IGSF10: variants seen among roughly 807,000 people sequenced by gnomAD.
The protein encoded by IGSF10 is calvaria mechanical force protein 608.
Under a neutral mutation model 128.2 loss-of-function variants are expected in IGSF10, and 126 were observed. The ratio of observed to expected loss-of-function variants is 0.98; its 90% CI spans 0.85 to 1.14. The LOEUF is 1.14. Among genes scored for constraint, IGSF10 ranks in the 50% most tolerant of loss-of-function variants. The pLI, the probability that IGSF10 is intolerant of heterozygous loss-of-function variation, is 0.00. For missense variants in IGSF10, 3,295 were observed against 3,149.8 expected, an observed-to-expected ratio of 1.05 and a Z score of -1.10; for synonymous variants, 1,185 against 1,146.2, an observed-to-expected ratio of 1.03 and a Z score of -0.68.
chr3:151,512,039 A>C, the IGSF10 span, among the ~76,000 whole-genome samples: 4 of 152,162 alleles, frequency 2.6e-5, no homozygotes, highest in Non-Finnish European at 5.9e-5. Flanking sequence ...CCCACTGTCA[A>C]CATTAGACAG....
the IGSF10 span, among the ~76,000 whole-genome samples, chr3:151,501,569 C>T: frequency 6.6e-6 from 1 of 151,958 alleles, no homozygotes; most frequent in Non-Finnish European, 1.5e-5. Flanking sequence ...AACTTGAAAC[C>T]TAAGAATGTC....
At chr3:151,433,243 C>T (rs955085009), downstream of IGSF10, 2 of 154,004 alleles carry the variant, frequency 1.3e-5, no homozygotes, top group African/African-American at 4.8e-5. Flanking sequence ...AAAGGCATGT[C>T]AGATCTTGAC....
the IGSF10 span, among the ~76,000 whole-genome samples, chr3:151,574,061 G>C: frequency 6.6e-6 from 1 of 152,166 alleles, no homozygotes; most frequent in Non-Finnish European, 1.5e-5. Flanking sequence ...CTCTTCTGGC[G>C]TGTAGAGTTT....
At chr3:151,483,628 G>C in the IGSF10 span, among the ~76,000 whole-genome samples, 2 of 152,124 alleles carry the variant, frequency 1.3e-5, no homozygotes, top group Non-Finnish European at 2.9e-5. Flanking sequence ...CATCTCACTG[G>C]GACTGGTTGG....
At chr3:151,579,875 A>AAAGGAAGGAAGGAAGGAAGGAAGG in the IGSF10 span, among the ~76,000 whole-genome samples, 41 of 121,922 alleles carry the variant, frequency 3.4e-4, no homozygotes, top group African/African-American at 1.2e-3. Context: ...GGGAGGAAGG[A>AAAGGAAGGAAGGAAGGAAGGAAGG]AAGGAAGGAA....
downstream of IGSF10, chr3:151,432,706 A>G (rs371106582): frequency 6.2e-6 from 9 of 1,452,118 alleles, no homozygotes; most frequent in African/African-American, 5.6e-5. Flanking sequence ...CATCTGTGCA[A>G]TAGTTTTGTG....
the IGSF10 span, among the ~76,000 whole-genome samples, chr3:151,480,685 T>C: frequency 6.6e-6 from 1 of 151,866 alleles, no homozygotes; most frequent in Admixed American, 6.6e-5. Flanking sequence ...CAGAGCTGCT[T>C]GGGTATAGCT....
the IGSF10 span, among the ~76,000 whole-genome samples, chr3:151,547,868 A>G: frequency 6.6e-6 from 1 of 152,210 alleles, no homozygotes; most frequent in African/African-American, 2.4e-5. Context: ...TCATATTTTA[A>G]TGGCATCAAT....
chr3:151,512,994 T>G, the IGSF10 span, among the ~76,000 whole-genome samples: 1 of 152,034 alleles, frequency 6.6e-6, no homozygotes, highest in African/African-American at 2.4e-5. Context: ...CCAAAAAAAG[T>G]CCAGGACCAG....
the IGSF10 span, among the ~76,000 whole-genome samples, chr3:151,617,322 C>G: frequency 7.2e-6 from 1 of 138,952 alleles, no homozygotes; most frequent in African/African-American, 2.7e-5. Flanking sequence ...TCTTCTTCCC[C>G]TCCTCCTCCT....
chr3:151,617,342 C>CCCCCTG, the IGSF10 span, among the ~76,000 whole-genome samples: 1 of 144,008 alleles, frequency 6.9e-6, no homozygotes, highest in Non-Finnish European at 1.5e-5. Context: ...TCCCCCTCCT[C>CCCCCTG]CTCCTCCTCC....
At chr3:151,557,231 A>G in the IGSF10 span, among the ~76,000 whole-genome samples, 1 of 152,190 alleles carries the variant, frequency 6.6e-6, no homozygotes, top group African/African-American at 2.4e-5. Context: ...GTTGAAGCTC[A>G]AACACCCTTC....
chr3:151,539,810 A>ATCTG, the IGSF10 span, among the ~76,000 whole-genome samples: 1 of 148,130 alleles, frequency 6.8e-6, no homozygotes. Context: ...CTATCTATCT[A>ATCTG]TCTATCATCT....
chr3:151,607,486 G>A, the IGSF10 span, among the ~76,000 whole-genome samples: 1 of 152,104 alleles, frequency 6.6e-6, no homozygotes, highest in Non-Finnish European at 1.5e-5. Context: ...AAGAAGGGCA[G>A]ACATAGGTAG....
chr3:151,534,801 A>ATATGTGTGTGTGTGTGTGTG, the IGSF10 span, among the ~76,000 whole-genome samples: 10 of 149,078 alleles, frequency 6.7e-5, no homozygotes, highest in African/African-American at 2.5e-4. Context: ...TTTAAAGTGT[A>ATATGTGTGTGTGTGTGTGTG]TGTGTGTGTG....
At position 151,438,553 on chromosome 3, in the gene IGSF10, A is replaced by G; in HGVS notation, c.6008T>C (p.Ile2003Thr). Residue 2003 changes from isoleucine (I) to threonine (T), a missense_variant, in exon 8 of 8, where the codon ATT becomes ACT. By Grantham distance (89) the Ile-to-Thr change is moderately conservative. Coordinates refer to ENST00000282466, the MANE Select transcript of IGSF10 (RefSeq NM_178822.5). ...IHVYPNGSLF[I>T]GSVTEKDSGV... ...ACTGTCTTTTTCTGTTACTGATCCA[A>G]TAAACAGGGATCCATTAGGGTAGAC... 6.2e-7 allele frequency: 1 copy of G among 1,613,830 alleles called. No homozygotes were observed.
chr3:151,485,121 C>T, the IGSF10 span, among the ~76,000 whole-genome samples: 4 of 152,136 alleles, frequency 2.6e-5, no homozygotes, highest in African/African-American at 9.6e-5. Flanking sequence ...CCTGATGGAG[C>T]TGAAAAACAC....
chr3:151,477,322 A>G, the IGSF10 span, among the ~76,000 whole-genome samples: 441 of 152,300 alleles, frequency 2.9e-3, 4 homozygotes, highest in African/African-American at 0.01. Flanking sequence ...CGAAGTCCCA[A>G]AATTTTGTGA....
the IGSF10 span, among the ~76,000 whole-genome samples, chr3:151,510,319 A>G: frequency 6.6e-6 from 1 of 152,174 alleles, no homozygotes; most frequent in African/African-American, 2.4e-5. Context: ...CAGCTCACCA[A>G]TATCCACTGT....
Sources: gnomAD v4.1 joint callset for allele counts (sites outside exome capture counted in the v4.1 genomes callset) on GRCh38, gnomAD v4.1.1 for gene constraint, MANE v1.5 for transcripts, NCBI Gene and HGNC (gene_info 2026-07-23, HGNC 2026-07-21) for gene names.